Variants in OR2T6 observed in about 807,000 individuals in gnomAD.
OR2T6 encodes olfactory receptor 2T6.
For synonymous variants in OR2T6, 174 were observed against 148.0 expected (o/e 1.18, Z -1.27); for missense variants, 424 against 391.6 (o/e 1.08, Z -0.70).
rs776514012 is a variant in OR2T6, at chr1:248,388,034, G to A, written c.426G>A (p.Trp142Ter). 1.2e-6 allele frequency: 2 copies of A among 1,613,912 alleles called. No individual in the cohort carries two copies. The highest frequency in any genetic ancestry group is 2.2e-5 in the South Asian group (2 of 91,050). Reference sequence around the variant, plus strand: ...TCCTCATCAGCTGGCGGGTCTGCTGGATGATCCTGGCCAGCTCTTGGTTCG... The same window carrying A: ...TCCTCATCAGCTGGCGGGTCTGCTGAATGATCCTGGCCAGCTCTTGGTTCG... ...YPVLISWRVC[W>*]MILASSWFGG... Residue 142 changes from tryptophan (W) to a stop codon, truncating the protein, a stop_gained, in exon 3 of 3, where the codon TGG becomes TGA. Transcript: ENST00000641644. LOFTEE classifies it low-confidence loss of function (END_TRUNC).
chr1:248,387,548 T>C (rs144315322), intron 2 of OR2T6, 57 bp from the exon 3 acceptor site: 23 of 1,049,842 alleles, frequency 2.2e-5, no homozygotes, highest in Non-Finnish European at 2.9e-5. Flanking sequence ...AAGTGATTTA[T>C]CTTTTGTCAT....
rs1538707 is a variant in OR2T6, at chr1:248,388,939, G to A, written c.*404G>A. On this transcript the variant is annotated 3_prime_UTR_variant, in exon 3 of 3. Transcript: ENST00000641644. ...GTTTAAACAATCCATCAATTGGCTT[G>A]TCAAAGATTTAGGGATGCCAAGGTT... 46,257 of 180,264 alleles carry A rather than the reference G, an allele frequency of 0.26. 7,509 individuals carry two copies. Among genetic ancestry groups the A allele is most frequent in the African/African-American group, 0.46 (19,565 of 42,580 alleles). 11.2% of individuals were successfully genotyped at this position (180,264 alleles called of 1,614,324 possible).
chr1:248,387,890 C>G lies in OR2T6; in HGVS notation c.282C>G (p.Phe94Leu), dbSNP rs756942922. 8.8e-6 allele frequency: 14 copies of G among 1,595,808 alleles called. 1 individual carries two copies. In the Middle Eastern group the frequency reaches 6.7e-4, roughly 76 times the overall value. The change falls in exon 3 of 3, where the codon TTC becomes TTG. Residue 94 changes from phenylalanine (F) to leucine (L), a missense_variant. Physicochemically the swap from Phe to Leu is conservative, Grantham distance 22. Coordinates refer to ENST00000641644, the MANE Select transcript of OR2T6 (RefSeq NM_001005471.2). ...DYLMGEGTIS[F>L]IACTAQCFLY... ...TCATGGGCGAGGGGACCATCTCTTTCATCGCCTGCACTGCTCAGTGCTTTC... is the reference window on the plus strand; with the variant it reads ...TCATGGGCGAGGGGACCATCTCTTTGATCGCCTGCACTGCTCAGTGCTTTC...
At chr1:248,380,785 TAA>T (rs10718786) in intron 1 of OR2T6, among the ~76,000 whole-genome samples, 75 of 144,816 alleles carry the variant, frequency 5.2e-4, no homozygotes, top group African/African-American at 1.6e-3. Context: ...TATATTTTAG[TAA>T]AAAAAAAAAA....
chr1:248,377,383 A>C (rs6678999), intron 1 of OR2T6, among the ~76,000 whole-genome samples: 12 of 152,048 alleles, frequency 7.9e-5, no homozygotes, highest in Non-Finnish European at 1.3e-4. Flanking sequence ...GGAGTAATCA[A>C]TTGATGTATA....
rs1420954985 is a variant in OR2T6, at chr1:248,384,745, C to G, written c.-124C>G. ...ATTCATCAGGTCCTCACGAGGAGCT[C>G]GTTAGATGAGATGCTACCCATTAGA... On this transcript the variant is annotated 5_prime_UTR_variant, in exon 2 of 3. Transcript: ENST00000641644. The G allele has an allele frequency of 4.6e-5, 7 of 152,208 alleles. No individual in the cohort carries two copies. Among genetic ancestry groups the G allele is most frequent in the Admixed American group, 1.3e-4 (2 of 15,280 alleles). The allele number at this position is 152,208 out of a possible 1,614,324, so 9.4% of individuals were successfully genotyped here.
At chr1:248,387,473 C>A in intron 2 of OR2T6, 132 bp from the exon 3 acceptor site, 1 of 490,854 alleles carries the variant, frequency 2.0e-6, no homozygotes, top group Non-Finnish European at 3.4e-6. Flanking sequence ...TCTACCACAC[C>A]AAAAAAAGTT....
intron 1 of OR2T6, among the ~76,000 whole-genome samples, chr1:248,380,639 G>T (rs1661014226): frequency 6.6e-6 from 1 of 151,436 alleles, no homozygotes; most frequent in African/African-American, 2.4e-5. Flanking sequence ...TATCCTATAG[G>T]CTTCCATACA....
In OR2T6 at chr1:248,388,552, T is replaced by C. The variant is rs376924283; in HGVS notation, c.*17T>C. On this transcript the variant is annotated 3_prime_UTR_variant, in exon 3 of 3. Transcript: ENST00000641644. The stretch of plus-strand genomic sequence containing the variant: ...AGATGTTAGGGGACATGTGGTGTGA[T>C]GAGGAAAGAATTCTGATGGTCTAAA... 1.3e-6 allele frequency: 2 copies of C among 1,534,978 alleles called. No individual in the cohort carries two copies. The highest frequency in any genetic ancestry group is 2.1e-5 in the Admixed American group (1 of 47,918).
At chr1:248,377,010 T>A (rs1453506698) in intron 1 of OR2T6, among the ~76,000 whole-genome samples, 1 of 152,242 alleles carries the variant, frequency 6.6e-6, no homozygotes, top group Non-Finnish European at 1.5e-5. Context: ...ATTTTATTGA[T>A]TGCTTTTTGT....
At chr1:248,382,236 A>G (rs1661047548) in intron 1 of OR2T6, among the ~76,000 whole-genome samples, 1 of 152,166 alleles carries the variant, frequency 6.6e-6, no homozygotes. Context: ...GGTCAGTGTG[A>G]ATTTTAGCCT....
At chr1:248,382,683 C>T (rs1380510987) in intron 1 of OR2T6, among the ~76,000 whole-genome samples, 2 of 151,970 alleles carry the variant, frequency 1.3e-5, no homozygotes, top group African/African-American at 4.8e-5. Flanking sequence ...CAGGCACCCG[C>T]CATCATGCCT....
At position 248,383,718 on chromosome 1, in the gene OR2T6, G is replaced by A. The variant is rs112260687; in HGVS notation, c.-158-993G>A. On this transcript the variant is annotated intron_variant, in intron 1 of 2. Transcript: ENST00000641644. ...TCATCCTATCCTGATGTGTTTCCTA[G>A]TGTTATCGTCATGGAGAAAGCACTG... 4.5e-4 allele frequency among the ~76,000 whole-genome samples: 24 copies of A among 53,216 alleles called. 1 individual carries two copies. Among genetic ancestry groups the A allele is most frequent in the African/African-American group, 3.5e-3 (19 of 5,454 alleles). 34.9% of individuals were successfully genotyped at this position (53,216 alleles called of 152,430 possible).
intron 2 of OR2T6, among the ~76,000 whole-genome samples, chr1:248,386,962 C>T (rs1341916412): frequency 1.3e-5 from 2 of 152,164 alleles, no homozygotes; most frequent in African/African-American, 4.8e-5. Context: ...TTATTTACTA[C>T]AGTATCCCCA....
chr1:248,377,995 T>A (rs1198006807), intron 1 of OR2T6, among the ~76,000 whole-genome samples: 7 of 152,350 alleles, frequency 4.6e-5, no homozygotes, highest in East Asian at 3.8e-4. Flanking sequence ...TCAATGAGTA[T>A]AATGTAAATT....
chr1:248,391,662 A>G lies in OR2T6; in HGVS notation c.*3127A>G, dbSNP rs988196033. ...ATAATGTATCAAAATTGATTCATCT[A>G]TTGTAACAAATGTACTACACTAATG... On this transcript the variant is annotated 3_prime_UTR_variant, in exon 3 of 3. Transcript: ENST00000641644. 2.0e-5 allele frequency: 3 copies of G among 152,224 alleles called. No homozygotes were observed. Among genetic ancestry groups the G allele is most frequent in the African/African-American group, 7.2e-5 (3 of 41,462 alleles). 9.4% of individuals were successfully genotyped at this position (152,224 alleles called of 1,614,324 possible). A position where few individuals can be genotyped will look rare whatever the true frequency, so the allele number is the denominator to read the frequency against.
Position 248,382,142 on chromosome 1 carries a change from C to A in OR2T6, c.-158-2569C>A, listed in dbSNP as rs925592768. On this transcript the variant is annotated intron_variant, in intron 1 of 2. Coordinates refer to ENST00000641644, the MANE Select transcript of OR2T6 (RefSeq NM_001005471.2). Reference sequence around the variant, plus strand: ...ACCCAAGGAAATTCTGGCTCCAGAGCTCTCTCTTTTTACTGCAACATTGTA... The same window carrying A: ...ACCCAAGGAAATTCTGGCTCCAGAGATCTCTCTTTTTACTGCAACATTGTA... 5.3e-5 allele frequency among the ~76,000 whole-genome samples: 8 copies of A among 151,958 alleles called. No individual in the cohort carries two copies. The East Asian group carries it at 1.3e-3, about 26-fold the overall frequency.
In OR2T6 at chr1:248,391,657, C is replaced by A. The variant is rs1163976026; in HGVS notation, c.*3122C>A. 1 of 152,104 alleles carries A rather than the reference C, an allele frequency of 6.6e-6. No homozygotes were observed. Among genetic ancestry groups the A allele is most frequent in the Non-Finnish European group, 1.5e-5 (1 of 68,024 alleles). 9.4% of individuals were successfully genotyped at this position (152,104 alleles called of 1,614,324 possible). A position where few individuals can be genotyped will look rare whatever the true frequency, so the allele number is the denominator to read the frequency against. ...TAATAATAATGTATCAAAATTGATT[C>A]ATCTATTGTAACAAATGTACTACAC... On this transcript the variant is annotated 3_prime_UTR_variant, in exon 3 of 3. Coordinates refer to ENST00000641644, the MANE Select transcript of OR2T6 (RefSeq NM_001005471.2).
At position 248,387,882 on chromosome 1, in the gene OR2T6, AT is replaced by A. The variant is rs756195443; in HGVS notation, c.275del (p.Ile92ThrfsTer52). On this transcript the variant is annotated frameshift_variant, in exon 3 of 3. Coordinates refer to ENST00000641644, the MANE Select transcript of OR2T6 (RefSeq NM_001005471.2). LOFTEE classifies it low-confidence loss of function (END_TRUNC). ...AGATTATCTCATGGGCGAGGGGACC[AT>A]CTCTTTCATCGCCTGCACTGCTCAG... ...LVDYLMGEGTISFIACTAQCF... is the reference protein window; with the variant it reads ...LVDYLMGEGTXSFIACTAQCF... 801 of 1,596,088 alleles carry A rather than the reference AT, an allele frequency of 5.0e-4. 2 individuals are homozygous for A. Among genetic ancestry groups the A allele is most frequent in the Middle Eastern group, 3.0e-3 (18 of 5,954 alleles).
Sources: gnomAD v4.1 joint callset for allele counts (sites outside exome capture counted in the v4.1 genomes callset) on GRCh38, gnomAD v4.1.1 for gene constraint, MANE v1.5 for transcripts, NCBI Gene and HGNC (gene_info 2026-07-23, HGNC 2026-07-21) for gene names.